The following PPP3R1 variants were observed in gnomAD, a reference collection of about 807,000 sequenced individuals.
The protein encoded by PPP3R1 is calcineurin subunit B type 1.
In PPP3R1, 5 loss-of-function variants were observed where a neutral mutation model predicts 22.6. The observed-to-expected ratio is 0.22, with a 90% confidence interval of 0.12 to 0.46. PPP3R1 has a LOEUF of 0.46. Ranked by LOEUF, PPP3R1 falls within the 20% of genes least tolerant of loss-of-function variation. The pLI, the probability that PPP3R1 is intolerant of heterozygous loss-of-function variation, is 0.99. For synonymous variants in PPP3R1, 56 were observed against 65.2 expected, an observed-to-expected ratio of 0.86 and a Z score of 0.68; for missense variants, 61 against 203.2, an observed-to-expected ratio of 0.30 and a Z score of 4.25.
At chr2:68,197,033 C>G (rs541321458) in intron 2 of PPP3R1, among the ~76,000 whole-genome samples, 1 of 152,110 alleles carries the variant, frequency 6.6e-6, no homozygotes, top group African/African-American at 2.4e-5. Context: ...CCTAAAAATG[C>G]TAAAATAATT....
intron 2 of PPP3R1, among the ~76,000 whole-genome samples, chr2:68,212,105 A>G (rs2861816): frequency 0.75 from 113,397 of 152,142 alleles, 43,322 homozygotes; most frequent in African/African-American, 0.93. Context: ...TTTGGAGACA[A>G]GGTCTCGCTC....
rs1221737581 is a variant in PPP3R1 at position 68,180,704 on chromosome 2, C to T, written c.*259G>A. On this transcript the variant is annotated 3_prime_UTR_variant, in exon 6 of 6. Coordinates refer to ENST00000234310, the MANE Select transcript of PPP3R1 (RefSeq NM_000945.4). The stretch of plus-strand genomic sequence containing the variant: ...GAAGAAAAATAAATTAAAAAGCCAA[C>T]CCCTTCCCTTTCTCCACCACATTGA... The T allele has an allele frequency of 1.2e-5, 4 of 345,822 alleles. No individual in the cohort carries two copies. Among genetic ancestry groups the T allele is most frequent in the Non-Finnish European group, 2.1e-5 (4 of 192,342 alleles). 21.4% of individuals were successfully genotyped at this position (345,822 alleles called of 1,614,324 possible).
intron 1 of PPP3R1, among the ~76,000 whole-genome samples, chr2:68,221,608 A>G (rs1669690111): frequency 6.6e-6 from 1 of 152,192 alleles, no homozygotes. Context: ...AATGGCCCCA[A>G]ATCTTCCAAA....
At chr2:68,240,742 T>G (rs1047487475) in intron 1 of PPP3R1, among the ~76,000 whole-genome samples, 1 of 152,100 alleles carries the variant, frequency 6.6e-6, no homozygotes, top group African/African-American at 2.4e-5. Flanking sequence ...AGAAAACAAG[T>G]AGGAACATGG....
At chr2:68,243,668 G>A (rs1057147469) in intron 1 of PPP3R1, among the ~76,000 whole-genome samples, 6 of 152,098 alleles carry the variant, frequency 3.9e-5, no homozygotes, top group Middle Eastern at 3.4e-3. Context: ...TCAGACCCTC[G>A]TTAAAGTAAC....
chr2:68,198,184 TAATA>T (rs1274649975), intron 2 of PPP3R1, among the ~76,000 whole-genome samples: 7 of 143,324 alleles, frequency 4.9e-5, no homozygotes, highest in Admixed American at 2.8e-4. Flanking sequence ...CATGTATATA[TAATA>T]TATATTTACA....
intron 2 of PPP3R1, among the ~76,000 whole-genome samples, chr2:68,210,199 A>T (rs573798905): frequency 2.0e-5 from 3 of 152,244 alleles, no homozygotes; most frequent in Non-Finnish European, 4.4e-5. Flanking sequence ...CTCTATTCCA[A>T]TTCTTACAAT....
At chr2:68,238,171 C>T (rs1336592773) in intron 1 of PPP3R1, among the ~76,000 whole-genome samples, 1 of 151,636 alleles carries the variant, frequency 6.6e-6, no homozygotes, top group African/African-American at 2.4e-5. Context: ...TGCACCTCTG[C>T]ATTAAGTGAC....
chr2:68,212,037 G>A (rs774636154), intron 2 of PPP3R1, among the ~76,000 whole-genome samples: 33 of 152,282 alleles, frequency 2.2e-4, no homozygotes, highest in Non-Finnish European at 4.0e-4. Context: ...CATGAATCAC[G>A]AATGTAATTA....
At chr2:68,245,129 G>T (rs908644915) in intron 1 of PPP3R1, among the ~76,000 whole-genome samples, 2 of 152,160 alleles carry the variant, frequency 1.3e-5, no homozygotes, top group Non-Finnish European at 2.9e-5. Flanking sequence ...CCAGCACTCT[G>T]GGAGGCTAAG....
intron 1 of PPP3R1, among the ~76,000 whole-genome samples, chr2:68,225,364 T>C (rs181715639): frequency 1.3e-5 from 2 of 152,188 alleles, no homozygotes; most frequent in Non-Finnish European, 2.9e-5. Flanking sequence ...AGAGGCCACA[T>C]GGCATTGAAT....
At chr2:68,194,089 T>G (rs994134950) in intron 2 of PPP3R1, among the ~76,000 whole-genome samples, 2 of 152,108 alleles carry the variant, frequency 1.3e-5, no homozygotes, top group African/African-American at 4.8e-5. Flanking sequence ...CCTTAACAGT[T>G]GAAAATGCCT....
chr2:68,207,002 A>G (rs533860963), intron 2 of PPP3R1, among the ~76,000 whole-genome samples: 33 of 152,234 alleles, frequency 2.2e-4, no homozygotes, highest in African/African-American at 7.9e-4. Context: ...AGGGAAGTAT[A>G]AATAGTGAAG....
At chr2:68,187,651 A>G (rs1035984569) in intron 3 of PPP3R1, among the ~76,000 whole-genome samples, 13 of 152,182 alleles carry the variant, frequency 8.5e-5, no homozygotes, top group African/African-American at 2.9e-4. Flanking sequence ...AAAACCCACT[A>G]TAAATTGTTC....
rs1670388324 is a variant in PPP3R1, at chr2:68,252,381, A to C, written c.-254T>G. 45 of 1,003,770 alleles carry C rather than the reference A, an allele frequency of 4.5e-5. No individual in the cohort carries two copies. Among genetic ancestry groups the C allele is most frequent in the Non-Finnish European group, 5.1e-5 (43 of 843,340 alleles). The allele number at this position is 1,003,770 out of a possible 1,614,324, so 62.2% of individuals were successfully genotyped here. On this transcript the variant is annotated 5_prime_UTR_variant, in exon 1 of 6. Coordinates refer to ENST00000234310, the MANE Select transcript of PPP3R1 (RefSeq NM_000945.4). ...CAGAGCCGGAGAGCGCGGGAGGAGCAGCGGCGAGAGGCAGGAGAGGCAGAG... is the reference window on the plus strand; with the variant it reads ...CAGAGCCGGAGAGCGCGGGAGGAGCCGCGGCGAGAGGCAGGAGAGGCAGAG...
intron 1 of PPP3R1, among the ~76,000 whole-genome samples, chr2:68,229,179 A>AT (rs879394020): frequency 8.5e-4 from 122 of 144,326 alleles, no homozygotes; most frequent in East Asian, 2.2e-3. Context: ...TCAGCTAATT[A>AT]TTTTTTTTTT....
chr2:68,217,380 G>A (rs1669601035), intron 1 of PPP3R1, among the ~76,000 whole-genome samples: 1 of 152,052 alleles, frequency 6.6e-6, no homozygotes, highest in Admixed American at 6.6e-5. Flanking sequence ...ATATTTGATT[G>A]CAATATATTT....
At chr2:68,249,539 G>A (rs906099710) in intron 1 of PPP3R1, among the ~76,000 whole-genome samples, 1 of 152,018 alleles carries the variant, frequency 6.6e-6, no homozygotes, top group Non-Finnish European at 1.5e-5. Context: ...GTTCATTTAA[G>A]TATCCAGAAC....
intron 1 of PPP3R1, among the ~76,000 whole-genome samples, chr2:68,220,919 T>C (rs987782432): frequency 2.0e-5 from 3 of 152,132 alleles, no homozygotes; most frequent in African/African-American, 7.2e-5. Context: ...ACAATTACTT[T>C]TTGGCTATGG....
Sources: gnomAD v4.1 joint callset for allele counts (sites outside exome capture counted in the v4.1 genomes callset) on GRCh38, gnomAD v4.1.1 for gene constraint, MANE v1.5 for transcripts, NCBI Gene and HGNC (gene_info 2026-07-23, HGNC 2026-07-21) for gene names.